SYTL5: variants seen among roughly 807,000 people sequenced by gnomAD.
The protein encoded by SYTL5 is synaptotagmin like 5.
Under a neutral mutation model 55.9 loss-of-function variants are expected in SYTL5, and 34 were observed. The observed-to-expected ratio is 0.61, with a 90% CI of 0.46 to 0.81. The LOEUF (loss-of-function observed/expected upper bound fraction) is 0.81. SYTL5 is among the 30% of genes least tolerant of loss of function. The pLI is 0.00. For synonymous variants in SYTL5, 221 were observed against 188.7 expected, an observed-to-expected ratio of 1.17 and a Z score of -1.40; for missense variants, 637 against 546.7, an observed-to-expected ratio of 1.17 and a Z score of -1.65.
intron 2 of SYTL5, 120 bp from the exon 3 acceptor site, chrX:38,054,093 G>A (rs1935701200): frequency 1.8e-6 from 1 of 543,894 alleles, no homozygotes; most frequent in African/African-American, 2.3e-5. Flanking sequence ...GTGGTCCCCA[G>A]TTTAAAGCAG....
the SYTL5 span, among the ~76,000 whole-genome samples, chrX:37,913,296 T>G: frequency 1.8e-5 from 2 of 112,135 alleles, no homozygotes; most frequent in African/African-American, 6.5e-5. Context: ...AAAGGTAGAG[T>G]TGGCTATTGG....
In SYTL5 at chrX:38,024,067, C is replaced by G. The variant is rs189968606; in HGVS notation, c.-356-9467C>G. On this transcript the variant is annotated intron_variant, in intron 1 of 16. Coordinates refer to ENST00000297875, the MANE Select transcript of SYTL5 (RefSeq NM_138780.3). ...GTTCTGTAGAAAAAAAAATATTTAA[C>G]TTGGTTTAACTCTACATATCCAAAT... 730 of 110,748 alleles carry G rather than the reference C, an allele frequency of 6.6e-3. 11 individuals are homozygous for G. Among genetic ancestry groups the G allele is most frequent in the Admixed American group, 0.045 (464 of 10,305 alleles). 9.1% of individuals were successfully genotyped at this position (110,748 alleles called of 1,213,427 possible). A position where few individuals can be genotyped will look rare whatever the true frequency, so the allele number is the denominator to read the frequency against.
Position 38,114,421 on chromosome X carries a change from A to T in SYTL5, c.1596+3939A>T, listed in dbSNP as rs768581118. On this transcript the variant is annotated intron_variant, in intron 13 of 16. Transcript: ENST00000297875. ...AACTGTCACCATTTATCTTACATTG[A>T]ACTTTCTGTATAGTAGAAACCCTCT... Among the ~76,000 whole-genome samples, 8 of 112,015 alleles carry T rather than the reference A, an allele frequency of 7.1e-5. No homozygotes were observed. In the Admixed American group the frequency reaches 7.6e-4, roughly 11 times the overall value.
At chrX:37,921,216 C>T in the SYTL5 span, among the ~76,000 whole-genome samples, 1 of 111,657 alleles carries the variant, frequency 9.0e-6, no homozygotes, top group Non-Finnish European at 1.9e-5. Flanking sequence ...TTATCTCAAG[C>T]TATTAACTGG....
chrX:37,921,441 C>T, the SYTL5 span, among the ~76,000 whole-genome samples: 1 of 111,351 alleles, frequency 9.0e-6, no homozygotes, highest in African/African-American at 3.3e-5. Context: ...CCACAACATC[C>T]TCTTGGTGGA....
chrX:37,907,318 C>T, the SYTL5 span, among the ~76,000 whole-genome samples: 1 of 111,776 alleles, frequency 8.9e-6, no homozygotes, highest in Non-Finnish European at 1.9e-5. Flanking sequence ...GATTAGTCCC[C>T]GATCTTTCTT....
At chrX:38,037,043 T>C (rs1041909691) in intron 2 of SYTL5, among the ~76,000 whole-genome samples, 2 of 111,786 alleles carry the variant, frequency 1.8e-5, no homozygotes, top group African/African-American at 3.3e-5. Flanking sequence ...CTAGTTTTCA[T>C]GCACTTTATT....
At chrX:37,950,358 A>G in the SYTL5 span, among the ~76,000 whole-genome samples, 3 of 111,954 alleles carry the variant, frequency 2.7e-5, no homozygotes, top group Admixed American at 2.8e-4. Flanking sequence ...GTGCATATAT[A>G]TTTTATGAAA....
intron 7 of SYTL5, among the ~76,000 whole-genome samples, chrX:38,093,247 C>A (rs1312087935): frequency 8.9e-6 from 1 of 111,910 alleles, no homozygotes; most frequent in Non-Finnish European, 1.9e-5. Flanking sequence ...CAAGTGAAAG[C>A]CACATTTCAC....
chrX:37,992,234 G>T, the SYTL5 span, among the ~76,000 whole-genome samples: 1 of 112,799 alleles, frequency 8.9e-6, no homozygotes, highest in Non-Finnish European at 1.9e-5. Flanking sequence ...AAAACTTCCT[G>T]CTCTGTGCTA....
chrX:37,980,518 A>C, the SYTL5 span, among the ~76,000 whole-genome samples: 1 of 112,552 alleles, frequency 8.9e-6, no homozygotes, highest in African/African-American at 3.2e-5. Flanking sequence ...CAAGGGAATA[A>C]ATGTTTAAGA....
chrX:37,924,189 TG>T, the SYTL5 span, among the ~76,000 whole-genome samples: 1 of 111,837 alleles, frequency 8.9e-6, no homozygotes, highest in Non-Finnish European at 1.9e-5. Flanking sequence ...TTTCTCTGAC[TG>T]GCACTTTCCA....
At chrX:38,007,586 G>A (rs1420041842) in intron 1 of SYTL5, among the ~76,000 whole-genome samples, 1 of 111,379 alleles carries the variant, frequency 9.0e-6, no homozygotes, top group African/African-American at 3.3e-5. Context: ...TTCAGTAGTA[G>A]CCTCCTTAAA....
At chrX:38,110,506 C>T (rs755421670) in intron 13 of SYTL5, 24 bp downstream of exon 13, 65 of 1,140,464 alleles carry the variant, frequency 5.7e-5, no homozygotes, top group Middle Eastern at 2.4e-4. Context: ...TCAGATTAGT[C>T]AGTTATGCAA....
the SYTL5 span, among the ~76,000 whole-genome samples, chrX:37,988,786 A>T: frequency 8.9e-6 from 1 of 111,897 alleles, no homozygotes; most frequent in South Asian, 3.7e-4. Context: ...CAGAAAAGGG[A>T]GTTTGTGTTA....
chrX:38,123,958 A>G (rs1173806999), intron 15 of SYTL5, among the ~76,000 whole-genome samples: 1 of 111,805 alleles, frequency 8.9e-6, no homozygotes, highest in Non-Finnish European at 1.9e-5. Flanking sequence ...AGCCAAAAGA[A>G]CAGTGGCTTA....
chrX:38,066,969 T>C (rs1286967591), intron 3 of SYTL5, among the ~76,000 whole-genome samples: 1 of 111,768 alleles, frequency 8.9e-6, no homozygotes, highest in Non-Finnish European at 1.9e-5. Flanking sequence ...ATAAAGTGAC[T>C]AGCCTATTAC....
Position 38,089,595 on chromosome X carries a change from C to T in SYTL5, c.831+8C>T. ...ACCTCAGTCATCAGTAGAGTAAGTA[C>T]ACAAACCTGATGAACACCGTATTAG... is the stretch of plus-strand genomic sequence containing the variant. On this transcript the variant is annotated splice_region_variant and intron_variant, in intron 7 of 16. Transcript: ENST00000297875. 2.5e-6 allele frequency: 3 copies of T among 1,203,790 alleles called. No individual in the cohort carries two copies. Among genetic ancestry groups the T allele is most frequent in the Non-Finnish European group, 3.4e-6 (3 of 891,916 alleles).
the SYTL5 span, among the ~76,000 whole-genome samples, chrX:37,959,905 A>G: frequency 9.0e-6 from 1 of 111,578 alleles, no homozygotes; most frequent in African/African-American, 3.3e-5. Flanking sequence ...TGGGTGAAGG[A>G]TGTTCCCACA....
Sources: gnomAD v4.1 joint callset for allele counts (sites outside exome capture counted in the v4.1 genomes callset) on GRCh38, gnomAD v4.1.1 for gene constraint, MANE v1.5 for transcripts, NCBI Gene and HGNC (gene_info 2026-07-23, HGNC 2026-07-21) for gene names.